Variants in MAGI1 observed in about 807,000 individuals in gnomAD.
MAGI1 encodes the protein membrane-associated guanylate kinase, WW and PDZ domain-containing protein 1.
In MAGI1, 58 loss-of-function variants were observed where a neutral mutation model predicts 139.9. The ratio of observed to expected loss-of-function variants is 0.41; its 90% CI spans 0.34 to 0.52. The LOEUF (loss-of-function observed/expected upper bound fraction) is 0.52, where lower values mean the gene tolerates loss of function less well. Ranked by LOEUF, MAGI1 falls within the 20% of genes least tolerant of loss-of-function variation. MAGI1 has a pLI of 0.12. For missense variants in MAGI1, 1,874 were observed against 1,901.6 expected (o/e 0.99, Z 0.27); for synonymous variants, 812 against 737.9 (o/e 1.10, Z -1.63).
intron 1 of MAGI1, among the ~76,000 whole-genome samples, chr3:65,944,389 G>A (rs911676859): frequency 4.6e-5 from 7 of 151,960 alleles, no homozygotes; most frequent in East Asian, 1.9e-4. Context: ...TGTGGGGTAC[G>A]TGCCTGTAGT....
intron 1 of MAGI1, among the ~76,000 whole-genome samples, chr3:65,984,940 G>C (rs1412108291): frequency 6.6e-6 from 1 of 152,196 alleles, no homozygotes; most frequent in Admixed American, 6.5e-5. Context: ...CTTGAGGACA[G>C]ATATTTGGAG....
chr3:66,027,265 C>CAAAAAAATAAATAAAT lies in MAGI1; in HGVS notation c.313+10730_313+10731insATTTATTTATTTTTTT, dbSNP rs761343259. On this transcript the variant is annotated intron_variant, in intron 1 of 22. Coordinates refer to ENST00000402939, the MANE Select transcript of MAGI1 (RefSeq NM_001033057.2). ...GCTGGGTGACAATGAGACTCCGTCT[C>CAAAAAAATAAATAAAT]AAATAAATAAATAAATAAATAAATA... Among the ~76,000 whole-genome samples the CAAAAAAATAAATAAAT allele has an allele frequency of 2.6e-4, 18 of 69,830 alleles. 1 individual carries two copies. The highest frequency in any genetic ancestry group is 9.1e-5 in the Non-Finnish European group (3 of 32,816). The allele number at this position is 69,830 out of a possible 152,430, so 45.8% of individuals were successfully genotyped here.
intron 1 of MAGI1, among the ~76,000 whole-genome samples, chr3:65,726,758 C>T (rs1191097384): frequency 6.6e-6 from 1 of 152,042 alleles, no homozygotes; most frequent in African/African-American, 2.4e-5. Flanking sequence ...GGGTTTCAGG[C>T]ACCTAGGGAC....
At chr3:65,732,474 C>A (rs1259037639) in intron 1 of MAGI1, among the ~76,000 whole-genome samples, 1 of 152,176 alleles carries the variant, frequency 6.6e-6, no homozygotes, top group Non-Finnish European at 1.5e-5. Flanking sequence ...TTCAAACCAC[C>A]AGCATCCTTC....
At chr3:66,031,255 A>C (rs1283420678) in intron 1 of MAGI1, among the ~76,000 whole-genome samples, 1 of 152,238 alleles carries the variant, frequency 6.6e-6, no homozygotes, top group Admixed American at 6.5e-5. Context: ...TTGTATATAC[A>C]AACTCAAGGA....
At chr3:65,933,955 A>G (rs1016805700) in intron 1 of MAGI1, among the ~76,000 whole-genome samples, 5 of 151,998 alleles carry the variant, frequency 3.3e-5, no homozygotes, top group Admixed American at 1.3e-4. Flanking sequence ...GTGAAACCCC[A>G]TCTCTACTAA....
chr3:65,438,516 T>A (rs1948009040), intron 9 of MAGI1, among the ~76,000 whole-genome samples: 1 of 152,184 alleles, frequency 6.6e-6, no homozygotes, highest in East Asian at 1.9e-4. Flanking sequence ...ACCCACTAAA[T>A]GTATATGAGA....
intron 1 of MAGI1, among the ~76,000 whole-genome samples, chr3:65,700,941 A>G (rs1158924846): frequency 6.6e-6 from 1 of 152,228 alleles, no homozygotes; most frequent in Non-Finnish European, 1.5e-5. Flanking sequence ...CCAATCCTTT[A>G]GAACATGAAG....
At chr3:65,848,059 C>T (rs987058906) in intron 1 of MAGI1, among the ~76,000 whole-genome samples, 2 of 152,120 alleles carry the variant, frequency 1.3e-5, no homozygotes, top group Admixed American at 1.3e-4. Context: ...GATAGAAGAA[C>T]AAAGGAGACA....
intron 1 of MAGI1, among the ~76,000 whole-genome samples, chr3:65,655,155 T>A (rs2085800362): frequency 6.6e-6 from 1 of 152,124 alleles, no homozygotes; most frequent in South Asian, 2.1e-4. Context: ...AGCGGGGATG[T>A]CTCATTCAAC....
In MAGI1 at chr3:65,942,922, G is replaced by T. The variant is rs574855448; in HGVS notation, c.313+95074C>A. 2.1e-3 allele frequency among the ~76,000 whole-genome samples: 319 copies of T among 152,290 alleles called. 4 individuals are homozygous for T. Among genetic ancestry groups the T allele is most frequent in the Non-Finnish European group, 4.0e-4 (27 of 68,022 alleles). ...TGTAATCCCATCTACTCGGGAGGCT[G>T]AGGCAAGAGAATCCCTTGAACTCGG... is the stretch of plus-strand genomic sequence containing the variant. On this transcript the variant is annotated intron_variant, in intron 1 of 22. Transcript: ENST00000402939.
intron 4 of MAGI1, 126 bp from the exon 5 acceptor site, chr3:65,470,610 C>G: frequency 5.2e-6 from 3 of 573,928 alleles, no homozygotes; most frequent in East Asian, 2.8e-5. Flanking sequence ...TGCTCTTATC[C>G]TTTCCTAATT....
At chr3:65,872,162 C>T (rs946560419) in intron 1 of MAGI1, among the ~76,000 whole-genome samples, 1 of 152,156 alleles carries the variant, frequency 6.6e-6, no homozygotes, top group Non-Finnish European at 1.5e-5. Flanking sequence ...AGCACAATGA[C>T]TAGCAATGGA....
chr3:65,935,913 G>A (rs532353949), intron 1 of MAGI1, among the ~76,000 whole-genome samples: 55 of 152,338 alleles, frequency 3.6e-4, no homozygotes, highest in African/African-American at 1.2e-3. Flanking sequence ...AGTCACATCA[G>A]AACTTCCAGC....
intron 1 of MAGI1, among the ~76,000 whole-genome samples, chr3:65,973,888 G>A (rs2065125270): frequency 6.6e-6 from 1 of 152,068 alleles, no homozygotes; most frequent in Non-Finnish European, 1.5e-5. Context: ...GGAAAAAAAT[G>A]TAAACAGTGA....
Position 65,362,932 on chromosome 3 carries a change from C to G in MAGI1, c.3495+533G>C, listed in dbSNP as rs373772279. ...GCATTTATGTATTAAAAATCTGTAGCTCTTACTACAGAGCAACTCTGAATA... is the reference window on the plus strand; with the variant it reads ...GCATTTATGTATTAAAAATCTGTAGGTCTTACTACAGAGCAACTCTGAATA... On this transcript the variant is annotated intron_variant, in intron 21 of 22. Coordinates refer to ENST00000402939, the MANE Select transcript of MAGI1 (RefSeq NM_001033057.2). 1.1e-4 allele frequency among the ~76,000 whole-genome samples: 17 copies of G among 152,328 alleles called. No homozygotes were observed. In the South Asian group the frequency reaches 3.5e-3, roughly 32 times the overall value.
intron 1 of MAGI1, among the ~76,000 whole-genome samples, chr3:65,683,384 C>T (rs926843136): frequency 1.3e-5 from 2 of 151,606 alleles, no homozygotes; most frequent in South Asian, 2.1e-4. Flanking sequence ...AGGCTGTGCA[C>T]GTACAGGGGT....
intron 1 of MAGI1, among the ~76,000 whole-genome samples, chr3:65,794,844 GAAAA>G (rs10581418): frequency 2.3e-5 from 3 of 131,818 alleles, no homozygotes; most frequent in Non-Finnish European, 3.2e-5. Context: ...CCCTCATCAG[GAAAA>G]AAAAAAAAAA....
intron 1 of MAGI1, among the ~76,000 whole-genome samples, chr3:65,955,638 T>C (rs1298677760): frequency 6.6e-6 from 1 of 152,184 alleles, no homozygotes; most frequent in East Asian, 1.9e-4. Context: ...CTTTCCATCC[T>C]TGAAATGCCT....
Sources: allele counts gnomAD v4.1 joint callset (sites outside exome capture counted in the v4.1 genomes callset), GRCh38; gene constraint gnomAD v4.1.1; transcripts MANE v1.5; gene names NCBI Gene and HGNC (gene_info 2026-07-23, HGNC 2026-07-21).